The following MAPKAP1 variants were observed in gnomAD, a reference collection of about 807,000 sequenced individuals.
The protein encoded by MAPKAP1 is target of rapamycin complex 2 subunit MAPKAP1.
A neutral mutation model predicts 65.7 loss-of-function variants in MAPKAP1; 20 were observed. The ratio of observed to expected loss-of-function variants is 0.30; its 90% CI spans 0.21 to 0.44. The LOEUF (loss-of-function observed/expected upper bound fraction) is 0.44. MAPKAP1 is among the 20% of genes least tolerant of loss of function. MAPKAP1 has a pLI of 1.00. For synonymous variants in MAPKAP1, 222 were observed against 244.3 expected (o/e 0.91, Z 0.85); for missense variants, 423 against 648.0 (o/e 0.65, Z 3.77).
At chr9:125,533,225 T>G (rs1244879459) in intron 7 of MAPKAP1, among the ~76,000 whole-genome samples, 1 of 152,172 alleles carries the variant, frequency 6.6e-6, no homozygotes, top group Non-Finnish European at 1.5e-5. Flanking sequence ...ATTAAAATAG[T>G]CGTGACTGAC....
chr9:125,666,910 C>T (rs1834355464), intron 3 of MAPKAP1, among the ~76,000 whole-genome samples: 1 of 152,124 alleles, frequency 6.6e-6, no homozygotes, highest in African/African-American at 2.4e-5. Flanking sequence ...TCACTCTAAC[C>T]ATCAGGAATG....
intron 4 of MAPKAP1, among the ~76,000 whole-genome samples, chr9:125,600,610 C>A (rs927379187): frequency 6.6e-6 from 1 of 152,150 alleles, no homozygotes; most frequent in African/African-American, 2.4e-5. Flanking sequence ...GATTTTTGGA[C>A]AAAATGTTCC....
chr9:125,653,487 A>G (rs999489251), intron 4 of MAPKAP1, among the ~76,000 whole-genome samples: 2 of 152,322 alleles, frequency 1.3e-5, no homozygotes, highest in East Asian at 3.9e-4. Context: ...CCTTTCCTCC[A>G]GGCAGAGGGA....
intron 7 of MAPKAP1, among the ~76,000 whole-genome samples, chr9:125,535,556 C>T (rs1194810763): frequency 6.6e-6 from 1 of 152,102 alleles, no homozygotes; most frequent in Non-Finnish European, 1.5e-5. Flanking sequence ...CACAGATAGC[C>T]CTTTCCTCCA....
intron 7 of MAPKAP1, among the ~76,000 whole-genome samples, chr9:125,528,504 T>C (rs1036285342): frequency 2.6e-5 from 4 of 152,176 alleles, no homozygotes; most frequent in African/African-American, 9.7e-5. Context: ...AGACTCCCTC[T>C]AGGAGGGGAA....
At chr9:125,459,900 TAC>T (rs1221550142) in intron 10 of MAPKAP1, among the ~76,000 whole-genome samples, 3 of 138,432 alleles carry the variant, frequency 2.2e-5, no homozygotes, top group African/African-American at 9.0e-5. Flanking sequence ...TTATAAGCAA[TAC>T]ACACTTTGAT....
chr9:125,473,956 G>T (rs929802279), intron 9 of MAPKAP1, among the ~76,000 whole-genome samples: 1 of 152,188 alleles, frequency 6.6e-6, no homozygotes, highest in Non-Finnish European at 1.5e-5. Context: ...AGTGCTTGTT[G>T]TGAGGATTAG....
chr9:125,643,353 T>A (rs1833634891), intron 4 of MAPKAP1, among the ~76,000 whole-genome samples: 1 of 151,542 alleles, frequency 6.6e-6, no homozygotes. Context: ...CACCACCACA[T>A]CCAGCTGATT....
chr9:125,645,845 GC>G (rs1317400216), intron 4 of MAPKAP1, among the ~76,000 whole-genome samples: 1 of 151,966 alleles, frequency 6.6e-6, no homozygotes, highest in Non-Finnish European at 1.5e-5. Flanking sequence ...TGCCTACTTG[GC>G]CACTTGTTTA....
At chr9:125,531,036 C>T (rs1164743940) in intron 7 of MAPKAP1, among the ~76,000 whole-genome samples, 1 of 152,204 alleles carries the variant, frequency 6.6e-6, no homozygotes, top group Non-Finnish European at 1.5e-5. Context: ...CTGATGACTT[C>T]CCTAACTTCA....
chr9:125,448,758 A>AC (rs1444828815), intron 10 of MAPKAP1, among the ~76,000 whole-genome samples: 1 of 152,220 alleles, frequency 6.6e-6, no homozygotes, highest in Non-Finnish European at 1.5e-5. Context: ...TAATCCCAGC[A>AC]CTTTGGGAGG....
intron 6 of MAPKAP1, among the ~76,000 whole-genome samples, chr9:125,556,813 T>A (rs550044995): frequency 1.3e-5 from 2 of 152,274 alleles, no homozygotes; most frequent in East Asian, 3.9e-4. Context: ...TAACTTAGAA[T>A]ATAGACCAGA....
chr9:125,621,247 G>A (rs1021627863), intron 4 of MAPKAP1, among the ~76,000 whole-genome samples: 4 of 152,004 alleles, frequency 2.6e-5, no homozygotes, highest in African/African-American at 9.7e-5. Context: ...ACTCCAGCCT[G>A]GGAGCCAAAG....
chr9:125,576,825 A>C (rs993580672), intron 5 of MAPKAP1, among the ~76,000 whole-genome samples: 1 of 152,028 alleles, frequency 6.6e-6, no homozygotes, highest in African/African-American at 2.4e-5. Flanking sequence ...TCAGTGCTCA[A>C]TGGTGCCCAG....
chr9:125,583,890 C>T (rs907353619), intron 5 of MAPKAP1, among the ~76,000 whole-genome samples: 6 of 152,058 alleles, frequency 3.9e-5, no homozygotes, highest in Non-Finnish European at 5.9e-5. Flanking sequence ...GGTGAAACCC[C>T]GTCTCTACTA....
chr9:125,468,870 G>A (rs1016559165), intron 9 of MAPKAP1, among the ~76,000 whole-genome samples: 3 of 152,160 alleles, frequency 2.0e-5, no homozygotes, highest in Admixed American at 6.5e-5. Context: ...AAGACAACAC[G>A]TTGTATAGTG....
intron 8 of MAPKAP1, among the ~76,000 whole-genome samples, chr9:125,486,754 G>C (rs1274287829): frequency 1.3e-5 from 2 of 152,036 alleles, no homozygotes; most frequent in Non-Finnish European, 2.9e-5. Flanking sequence ...TCCCATCTCA[G>C]AGCCTCTTGC....
At chr9:125,546,413 T>A (rs1043584003) in intron 6 of MAPKAP1, among the ~76,000 whole-genome samples, 4 of 152,126 alleles carry the variant, frequency 2.6e-5, no homozygotes, top group Non-Finnish European at 5.9e-5. Flanking sequence ...CAGGGTTTTG[T>A]TTTTTGAGTA....
At chr9:125,683,121 A>G (rs1341847242) in intron 1 of MAPKAP1, among the ~76,000 whole-genome samples, 1 of 150,908 alleles carries the variant, frequency 6.6e-6, no homozygotes, top group Non-Finnish European at 1.5e-5. Flanking sequence ...ACGCCCAGCT[A>G]ATTTTTTTGT....
Sources: allele counts gnomAD v4.1 joint callset (sites outside exome capture counted in the v4.1 genomes callset), GRCh38; gene constraint gnomAD v4.1.1; transcripts MANE v1.5; gene names NCBI Gene and HGNC (gene_info 2026-07-23, HGNC 2026-07-21).